Variants in JKAMP observed in about 807,000 individuals in gnomAD.
JKAMP encodes JNK1/MAPK8-associated membrane protein.
Under a neutral mutation model 40.2 loss-of-function variants are expected in JKAMP, and 20 were observed. The ratio of observed to expected loss-of-function variants is 0.50; its 90% CI spans 0.35 to 0.72. JKAMP has a LOEUF of 0.72. Ranked by LOEUF, JKAMP falls within the 30% of genes least tolerant of loss-of-function variation. The pLI is 0.01. For synonymous variants in JKAMP, 138 were observed against 131.6 expected (o/e 1.05, Z -0.33); for missense variants, 276 against 373.0 (o/e 0.74, Z 2.14).
Position 59,484,521 on chromosome 14 carries a change from C to T in JKAMP, c.-69C>T. On this transcript the variant is annotated 5_prime_UTR_variant, in exon 1 of 7. Coordinates refer to ENST00000616435, the MANE Select transcript of JKAMP (RefSeq NM_016475.5). Reference sequence around the variant, plus strand: ...GGCGGAGCCGCCGAGCTCGCTGTGGCCCGGATGTTCGGTGCAGCTGCCAGA... The same window carrying T: ...GGCGGAGCCGCCGAGCTCGCTGTGGTCCGGATGTTCGGTGCAGCTGCCAGA... 5.8e-6 allele frequency: 9 copies of T among 1,547,564 alleles called. No homozygotes were observed. The highest frequency in any genetic ancestry group is 7.9e-6 in the Non-Finnish European group (9 of 1,142,502).
In JKAMP at chr14:59,503,956, C is replaced by T; in HGVS notation, c.820C>T (p.Leu274Phe). Reference protein sequence around the residue: ...GIISISRVDKLEQDLPLLALV... With the variant: ...GIISISRVDKFEQDLPLLALV... ...AATCTCCATTTCCAGAGTGGATAAA[C>T]TTGAGCAAGATTTGCCCCTTTTGGC... The change falls in exon 7 of 7, where the codon CTT becomes TTT. Residue 274 changes from leucine to phenylalanine, a missense_variant. Physicochemically the swap from Leu to Phe is conservative, Grantham distance 22. Coordinates refer to ENST00000616435, the MANE Select transcript of JKAMP (RefSeq NM_016475.5). 1.2e-6 allele frequency: 2 copies of T among 1,613,620 alleles called. No individual in the cohort carries two copies. The highest frequency in any genetic ancestry group is 1.7e-6 in the Non-Finnish European group (2 of 1,179,616).
Position 59,505,202 on chromosome 14 carries a change from G to T in JKAMP, c.*1130G>T. 1 of 1,122,202 alleles carries T rather than the reference G, an allele frequency of 8.9e-7. No homozygotes were observed. Among genetic ancestry groups the T allele is most frequent in the Non-Finnish European group, 1.2e-6 (1 of 803,348 alleles). 69.5% of individuals were successfully genotyped at this position (1,122,202 alleles called of 1,614,324 possible). On this transcript the variant is annotated 3_prime_UTR_variant, in exon 7 of 7. Transcript: ENST00000616435. ...AAGTGCACTCACTTTTCCTGTAGTA[G>T]TCTGTCTTTTGAATTCACAGCAGTT...
At chr14:59,502,435 A>G (rs151139580) in intron 6 of JKAMP, among the ~76,000 whole-genome samples, 21 of 152,270 alleles carry the variant, frequency 1.4e-4, no homozygotes, top group African/African-American at 5.1e-4. Context: ...TAAGTTGTAA[A>G]CTATTTTGGA....
chr14:59,494,564 A>G (rs1164405522), intron 3 of JKAMP, among the ~76,000 whole-genome samples: 1 of 152,220 alleles, frequency 6.6e-6, no homozygotes, highest in Non-Finnish European at 1.5e-5. Flanking sequence ...TGGTAAAAGC[A>G]GTTTGGTACA....
At chr14:59,501,049 C>T in intron 5 of JKAMP, 142 bp from the exon 6 acceptor site, 1 of 588,498 alleles carries the variant, frequency 1.7e-6, no homozygotes, top group South Asian at 2.2e-5. Flanking sequence ...CTGGCCACTG[C>T]CTCAGAACCT....
At chr14:59,499,055 C>T (rs1318197374) in intron 5 of JKAMP, 147 bp downstream of exon 5, 2 of 472,336 alleles carry the variant, frequency 4.2e-6, no homozygotes, top group African/African-American at 5.7e-5. Context: ...GATGGAATCT[C>T]ACTCTATCAC....
At chr14:59,496,604 C>T (rs922372828) in intron 4 of JKAMP, among the ~76,000 whole-genome samples, 4 of 152,168 alleles carry the variant, frequency 2.6e-5, no homozygotes, top group Non-Finnish European at 4.4e-5. Flanking sequence ...CAACCCTCAT[C>T]TGCACCTGTA....
At chr14:59,486,857 A>G (rs1890620012) in intron 2 of JKAMP, 53 bp downstream of exon 2, 2 of 1,204,892 alleles carry the variant, frequency 1.7e-6, no homozygotes, top group Non-Finnish European at 2.4e-6. Flanking sequence ...TTTGCTTTTG[A>G]AATATTTTCA....
chr14:59,484,773 G>C (rs908884568), intron 1 of JKAMP, 180 bp downstream of exon 1: 14 of 942,738 alleles, frequency 1.5e-5, no homozygotes, highest in Non-Finnish European at 2.2e-5. Context: ...TGGTCTGTCC[G>C]CAACGGGCTA....
chr14:59,493,094 A>G (rs150244610), intron 3 of JKAMP, among the ~76,000 whole-genome samples: 2,594 of 151,974 alleles, frequency 0.017, 32 homozygotes, highest in South Asian at 0.038. Context: ...CACCACGCCC[A>G]GCCAAGGAGA....
intron 1 of JKAMP, chr14:59,485,125 T>C (rs974328141): frequency 6.3e-7 from 1 of 1,598,262 alleles, no homozygotes; most frequent in Non-Finnish European, 8.5e-7. Context: ...TAGTAAGTGA[T>C]AGGCTGTTTA....
At chr14:59,494,076 A>T (rs930084257) in intron 3 of JKAMP, among the ~76,000 whole-genome samples, 1 of 151,930 alleles carries the variant, frequency 6.6e-6, no homozygotes, top group Admixed American at 6.6e-5. Flanking sequence ...TGAATTAAAG[A>T]TAAATGTGAA....
In JKAMP at chr14:59,505,296, A is replaced by T. The variant is rs376036837; in HGVS notation, c.*1224A>T. ...TAACCACTGGGAAATGAACCCTTGT[A>T]CGAATGTGTTTCTTCTTCTCTGTAG... On this transcript the variant is annotated 3_prime_UTR_variant, in exon 7 of 7. Transcript: ENST00000616435. 1.3e-6 allele frequency: 2 copies of T among 1,503,076 alleles called. No homozygotes were observed. The highest frequency in any genetic ancestry group is 1.4e-5 in the African/African-American group (1 of 72,372). 93.1% of individuals were successfully genotyped at this position (1,503,076 alleles called of 1,614,324 possible).
In JKAMP at chr14:59,489,395, T is replaced by C. The variant is rs74826377; in HGVS notation, c.251+1567T>C. ...TGCAGCAGAGTTCTTTGCTAGGGCATAGTATGGATGACCTTTACTACAGTT... is the reference window on the plus strand; with the variant it reads ...TGCAGCAGAGTTCTTTGCTAGGGCACAGTATGGATGACCTTTACTACAGTT... On this transcript the variant is annotated intron_variant, in intron 3 of 6. Coordinates refer to ENST00000616435, the MANE Select transcript of JKAMP (RefSeq NM_016475.5). Among the ~76,000 whole-genome samples, 167 of 152,364 alleles carry C rather than the reference T, an allele frequency of 1.1e-3. 1 individual carries two copies. The highest frequency in any genetic ancestry group is 3.4e-3 in the Middle Eastern group (1 of 294).
intron 5 of JKAMP, 107 bp downstream of exon 5, chr14:59,499,015 CTTTTTTTTTTTT>C (rs527684457): frequency 2.2e-3 from 280 of 127,030 alleles, no homozygotes; most frequent in South Asian, 5.0e-3. Context: ...TTGTTTAATC[CTTTTTTTTTTTT>C]TTTTTTTTTT....
At position 59,490,584 on chromosome 14, in the gene JKAMP, G is replaced by A. The variant is rs1174790155; in HGVS notation, c.251+2756G>A. On this transcript the variant is annotated intron_variant, in intron 3 of 6. Coordinates refer to ENST00000616435, the MANE Select transcript of JKAMP (RefSeq NM_016475.5). ...AGACTATGGTAGTTGGAATGGAAATGGAAAGGATGGTCAGATAGAAATAGA... is the reference window on the plus strand; with the variant it reads ...AGACTATGGTAGTTGGAATGGAAATAGAAAGGATGGTCAGATAGAAATAGA... Among the ~76,000 whole-genome samples, 7 of 152,190 alleles carry A rather than the reference G, an allele frequency of 4.6e-5. No homozygotes were observed. In the East Asian group the frequency reaches 1.2e-3, roughly 25 times the overall value.
At position 59,504,253 on chromosome 14, in the gene JKAMP, C is replaced by T. The variant is rs963696370; in HGVS notation, c.*181C>T. 1 of 597,030 alleles carries T rather than the reference C, an allele frequency of 1.7e-6. No individual in the cohort carries two copies. Among genetic ancestry groups the T allele is most frequent in the African/African-American group, 1.9e-5 (1 of 53,732 alleles). 37.0% of individuals were successfully genotyped at this position (597,030 alleles called of 1,614,324 possible). A position where few individuals can be genotyped will look rare whatever the true frequency, so the allele number is the denominator to read the frequency against. On this transcript the variant is annotated 3_prime_UTR_variant, in exon 7 of 7. Transcript: ENST00000616435. ...ACTTACAGACTTGGAAAATGCAAAA[C>T]TCTGTAATACTCTGTTACACAGGGT...
At chr14:59,489,042 A>G (rs1432269007) in intron 3 of JKAMP, among the ~76,000 whole-genome samples, 20 of 152,240 alleles carry the variant, frequency 1.3e-4, no homozygotes. Flanking sequence ...TGTGTTGGCT[A>G]TTAGCACTTG....
intron 4 of JKAMP, 46 bp downstream of exon 4, chr14:59,495,270 C>T (rs542403080): frequency 4.1e-5 from 57 of 1,394,794 alleles, no homozygotes; most frequent in Non-Finnish European, 3.5e-5. Flanking sequence ...TTTTAAATCT[C>T]TGAGGATTAT....
Sources: gnomAD v4.1 joint callset for allele counts (sites outside exome capture counted in the v4.1 genomes callset) on GRCh38, gnomAD v4.1.1 for gene constraint, MANE v1.5 for transcripts, NCBI Gene and HGNC (gene_info 2026-07-23, HGNC 2026-07-21) for gene names.